Variants in ADGRG5 observed in about 807,000 individuals in gnomAD.
ADGRG5 encodes the protein adhesion G protein-coupled receptor G5.
Under a neutral mutation model 53.2 loss-of-function variants are expected in ADGRG5, and 37 were observed. The observed-to-expected ratio is 0.70, with a 90% CI of 0.53 to 0.91. The LOEUF (loss-of-function observed/expected upper bound fraction) is 0.91, where lower values mean the gene tolerates loss of function less well. Ranked by LOEUF, ADGRG5 falls within the 40% of genes least tolerant of loss-of-function variation. ADGRG5 has a pLI of 0.00. For missense variants in ADGRG5, 614 were observed against 675.8 expected (o/e 0.91, Z 1.01); for synonymous variants, 277 against 290.4 (o/e 0.95, Z 0.47).
At chr16:57,559,052 G>A (rs534824040) in intron 1 of ADGRG5, among the ~76,000 whole-genome samples, 2 of 145,720 alleles carry the variant, frequency 1.4e-5, no homozygotes, top group South Asian at 2.2e-4. Context: ...GTTTTGCCAT[G>A]TTGCCCAGGC....
chr16:57,538,521 G>C (rs1284203668), upstream of ADGRG5, among the ~76,000 whole-genome samples: 3 of 152,188 alleles, frequency 2.0e-5, no homozygotes, highest in African/African-American at 7.2e-5. Flanking sequence ...CCAGAGGATC[G>C]TCTCGAGTAA....
chr16:57,545,230 T>A (rs1267626101), intron 1 of ADGRG5, among the ~76,000 whole-genome samples: 1 of 152,142 alleles, frequency 6.6e-6, no homozygotes, highest in Non-Finnish European at 1.5e-5. Flanking sequence ...CATATATATT[T>A]AAAAAATTCA....
chr16:57,557,446 C>T (rs1304216830), intron 1 of ADGRG5, among the ~76,000 whole-genome samples: 2 of 152,042 alleles, frequency 1.3e-5, no homozygotes, highest in Non-Finnish European at 2.9e-5. Context: ...TTTTTCTTTG[C>T]ATTTATTCCA....
intron 5 of ADGRG5, 131 bp downstream of exon 5, chr16:57,564,110 A>G: frequency 1.0e-6 from 1 of 1,004,568 alleles, no homozygotes; most frequent in Admixed American, 2.3e-5. Context: ...TGTGCAATCC[A>G]AGCCAGCAAT....
chr16:57,539,483 C>T (rs1598086932), upstream of ADGRG5, among the ~76,000 whole-genome samples: 1 of 138,202 alleles, frequency 7.2e-6, no homozygotes, highest in South Asian at 2.3e-4. Flanking sequence ...GACAGGGTCT[C>T]ACTCTGTCAC....
chr16:57,534,868 C>G, the ADGRG5 span, among the ~76,000 whole-genome samples: 12,442 of 152,246 alleles, frequency 0.082, 675 homozygotes, highest in East Asian at 0.21. Flanking sequence ...CCTGGGGAAG[C>G]CTAATTGACC....
At chr16:57,567,343 C>A in intron 7 of ADGRG5, 127 bp from the exon 8 acceptor site, 1 of 1,046,790 alleles carries the variant, frequency 9.6e-7, no homozygotes, top group South Asian at 1.6e-5. Flanking sequence ...CTTGTTCAAG[C>A]CAGGTCCATG....
At chr16:57,552,409 T>C (rs59660607) in intron 1 of ADGRG5, among the ~76,000 whole-genome samples, 12,515 of 152,266 alleles carry the variant, frequency 0.082, 1,513 homozygotes, top group African/African-American at 0.26. Context: ...CTAGTTCTTG[T>C]GGATAACTTG....
the ADGRG5 span, among the ~76,000 whole-genome samples, chr16:57,534,677 G>T: frequency 6.6e-6 from 1 of 152,166 alleles, no homozygotes; most frequent in Non-Finnish European, 1.5e-5. Context: ...GTACCCCTAA[G>T]AAGGTGGTAC....
At chr16:57,559,262 C>A (rs1386044203) in intron 1 of ADGRG5, among the ~76,000 whole-genome samples, 1 of 152,186 alleles carries the variant, frequency 6.6e-6, no homozygotes, top group Non-Finnish European at 1.5e-5. Context: ...GTGGGATGGG[C>A]ATCTTAAATC....
the ADGRG5 span, among the ~76,000 whole-genome samples, chr16:57,531,973 C>T: frequency 6.6e-6 from 1 of 152,212 alleles, no homozygotes; most frequent in East Asian, 1.9e-4. Context: ...GACCCCGCTG[C>T]ATTTCTCTAG....
intron 1 of ADGRG5, among the ~76,000 whole-genome samples, chr16:57,553,298 C>T (rs2032797003): frequency 6.6e-6 from 1 of 152,168 alleles, no homozygotes; most frequent in African/African-American, 2.4e-5. Context: ...TATACCTGTA[C>T]AGTTTTAGTC....
chr16:57,554,582 T>C (rs1450255606), intron 1 of ADGRG5, among the ~76,000 whole-genome samples: 2 of 152,150 alleles, frequency 1.3e-5, no homozygotes, highest in African/African-American at 2.4e-5. Flanking sequence ...TTCACCGTGT[T>C]AGCCAGGATG....
At position 57,562,047 on chromosome 16, in the gene ADGRG5, C is replaced by A; in HGVS notation, c.-38-9C>A. 6.7e-7 allele frequency: 1 copy of A among 1,484,216 alleles called. No homozygotes were observed. Among genetic ancestry groups the A allele is most frequent in the Non-Finnish European group, 9.1e-7 (1 of 1,103,554 alleles). The allele number at this position is 1,484,216 out of a possible 1,614,324, so 91.9% of individuals were successfully genotyped here. ...TTATCATCATGGTGATGGCATGCAC[C>A]TTTTTCAGGGCCGGAGCCAGTTCTT... On this transcript the variant is annotated splice_polypyrimidine_tract_variant and intron_variant, in intron 1 of 11. Transcript: ENST00000349457.
the ADGRG5 span, among the ~76,000 whole-genome samples, chr16:57,535,679 G>C: frequency 3.5e-4 from 46 of 131,702 alleles, no homozygotes; most frequent in African/African-American, 1.3e-3. Context: ...CTTCACTCTT[G>C]TACAGCAGAC....
In ADGRG5 at chr16:57,567,476, TC is replaced by T. The variant is rs746670025; in HGVS notation, c.710del (p.Pro237GlnfsTer28). 2 of 1,608,164 alleles carry T rather than the reference TC, an allele frequency of 1.2e-6. No individual in the cohort carries two copies. Among genetic ancestry groups the T allele is most frequent in the African/African-American group, 2.7e-5 (2 of 74,866 alleles). The stretch of plus-strand genomic sequence containing the variant: ...CCCCTCTTCCCTCCTGCAGCAACTC[TC>T]CCCAGCCCTGGTCCCTGCAGAGTTG... Reference protein sequence around the residue: ...LTYFAVLMQLSPALVPAELLA... With the variant: ...LTYFAVLMQLXPALVPAELLA... On this transcript the variant is annotated frameshift_variant, in exon 8 of 12. Transcript: ENST00000349457. LOFTEE classifies it high-confidence loss of function.
At chr16:57,569,033 C>A (rs1296820865) in intron 9 of ADGRG5, among the ~76,000 whole-genome samples, 1 of 149,816 alleles carries the variant, frequency 6.7e-6, no homozygotes, top group African/African-American at 2.5e-5. Context: ...ACCACCATCA[C>A]CATCTCCTCC....
intron 1 of ADGRG5, among the ~76,000 whole-genome samples, chr16:57,557,113 T>C (rs2032902164): frequency 6.6e-6 from 1 of 152,086 alleles, no homozygotes; most frequent in Non-Finnish European, 1.5e-5. Context: ...TTTTGCCATG[T>C]TGGCCAGGCT....
At chr16:57,531,896 C>G in the ADGRG5 span, among the ~76,000 whole-genome samples, 1 of 152,254 alleles carries the variant, frequency 6.6e-6, no homozygotes, top group Non-Finnish European at 1.5e-5. Flanking sequence ...GAGGTCTACA[C>G]CACCACGTGG....
Sources: gnomAD v4.1 joint callset for allele counts (sites outside exome capture counted in the v4.1 genomes callset) on GRCh38, gnomAD v4.1.1 for gene constraint, MANE v1.5 for transcripts, NCBI Gene and HGNC (gene_info 2026-07-23, HGNC 2026-07-21) for gene names.